Variants in PCDH15 observed in about 807,000 individuals in gnomAD.
The protein encoded by PCDH15 is protocadherin related 15.
In PCDH15, 129 loss-of-function variants were observed where a neutral mutation model predicts 178.5. That is an observed-to-expected ratio of 0.72 (90% confidence interval 0.63 to 0.84). The LOEUF (loss-of-function observed/expected upper bound fraction) is 0.84, where lower values mean the gene tolerates loss of function less well. Ranked by LOEUF, PCDH15 falls within the 40% of genes least tolerant of loss-of-function variation. PCDH15 has a pLI of 0.00. For missense variants in PCDH15, 2,230 were observed against 2,099.9 expected (o/e 1.06, Z -1.21); for synonymous variants, 800 against 732.0 (o/e 1.09, Z -1.50).
chr10:54,607,410 CAT>C (rs534820906), intron 2 of PCDH15, among the ~76,000 whole-genome samples: 142 of 152,054 alleles, frequency 9.3e-4, no homozygotes, highest in Middle Eastern at 3.4e-3. Context: ...TATATGATAA[CAT>C]GTGGCATTAT....
chr10:55,611,453 G>A (rs772777059), intron 2 of PCDH15, among the ~76,000 whole-genome samples: 7 of 151,868 alleles, frequency 4.6e-5, no homozygotes, highest in Admixed American at 6.6e-5. Context: ...ATTAAAATGA[G>A]ATTTCACCTT....
intron 2 of PCDH15, among the ~76,000 whole-genome samples, chr10:54,532,937 G>A (rs1284816039): frequency 3.3e-5 from 5 of 152,168 alleles, no homozygotes; most frequent in African/African-American, 1.2e-4. Context: ...GAGTGTGGGT[G>A]TGTGTGTGAG....
At chr10:55,351,095 TCTC>T (rs1844921394) in intron 2 of PCDH15, among the ~76,000 whole-genome samples, 1 of 139,274 alleles carries the variant, frequency 7.2e-6, no homozygotes, top group East Asian at 2.4e-4. Context: ...TCCTTCTTCT[TCTC>T]CTTCTTCTTC....
intron 2 of PCDH15, among the ~76,000 whole-genome samples, chr10:54,900,099 T>G (rs2131824497): frequency 6.6e-6 from 1 of 152,342 alleles, no homozygotes; most frequent in South Asian, 2.1e-4. Flanking sequence ...ATATTTTACT[T>G]ACTTATTTAA....
At chr10:54,426,097 T>C (rs565182503) in intron 3 of PCDH15, among the ~76,000 whole-genome samples, 1 of 152,314 alleles carries the variant, frequency 6.6e-6, no homozygotes, top group African/African-American at 2.4e-5. Flanking sequence ...CTATTTACTA[T>C]GAGCCCAAGA....
At chr10:54,028,524 T>A (rs1393834478) in intron 18 of PCDH15, among the ~76,000 whole-genome samples, 5 of 151,890 alleles carry the variant, frequency 3.3e-5, no homozygotes, top group South Asian at 2.1e-4. Flanking sequence ...GATAGCAAAG[T>A]CTTGGAACCA....
intron 9 of PCDH15, among the ~76,000 whole-genome samples, chr10:54,224,462 C>T (rs2053212501): frequency 6.6e-6 from 1 of 152,090 alleles, no homozygotes; most frequent in African/African-American, 2.4e-5. Flanking sequence ...CTCTATTTAG[C>T]AAAGCTTAAT....
At chr10:54,017,517 C>A (rs2092779324) in intron 20 of PCDH15, among the ~76,000 whole-genome samples, 1 of 152,110 alleles carries the variant, frequency 6.6e-6, no homozygotes, top group African/African-American at 2.4e-5. Context: ...AGGCCATTAT[C>A]CTAAACAAAT....
chr10:54,664,909 TAAAAA>T (rs759609948), intron 1 of PCDH15, among the ~76,000 whole-genome samples: 1 of 126,336 alleles, frequency 7.9e-6, no homozygotes, highest in Non-Finnish European at 1.7e-5. Flanking sequence ...CCCAGCAAGT[TAAAAA>T]AAAAAAAAAA....
intron 18 of PCDH15, among the ~76,000 whole-genome samples, chr10:54,043,401 C>CT (rs916844585): frequency 2.6e-5 from 4 of 151,480 alleles, no homozygotes; most frequent in Non-Finnish European, 5.9e-5. Flanking sequence ...CTCTTTCTTT[C>CT]TTTTTTTTCG....
At chr10:54,674,130 T>C (rs890535167) in intron 1 of PCDH15, among the ~76,000 whole-genome samples, 10 of 152,184 alleles carry the variant, frequency 6.6e-5, no homozygotes, top group Admixed American at 4.6e-4. Flanking sequence ...TCTATACATA[T>C]AACTTTTTAC....
chr10:54,508,087 G>C (rs1342237188), intron 3 of PCDH15, among the ~76,000 whole-genome samples: 4 of 151,982 alleles, frequency 2.6e-5, no homozygotes, highest in Non-Finnish European at 1.5e-5. Flanking sequence ...TTAAGAATCA[G>C]AGAAATTAAT....
Position 54,647,868 on chromosome 10 carries a change from G to A in PCDH15, c.91+16304C>T, listed in dbSNP as rs183206404. Among the ~76,000 whole-genome samples, 626 of 152,070 alleles carry A rather than the reference G, an allele frequency of 4.1e-3. 4 individuals carry two copies. Among genetic ancestry groups the A allele is most frequent in the Non-Finnish European group, 6.9e-3 (469 of 67,936 alleles). On this transcript the variant is annotated intron_variant, in intron 2 of 37. Coordinates refer to ENST00000644397, the MANE Select transcript of PCDH15 (RefSeq NM_001384140.1). Reference sequence around the variant, plus strand: ...CTTCCACAACTAGGACCTGAGTTGGGATAGGTCCTGTTTCTTACTCCTTCT... The same window carrying A: ...CTTCCACAACTAGGACCTGAGTTGGAATAGGTCCTGTTTCTTACTCCTTCT...
chr10:54,088,594 T>C (rs1253321118), intron 16 of PCDH15, among the ~76,000 whole-genome samples: 1 of 152,168 alleles, frequency 6.6e-6, no homozygotes, highest in Non-Finnish European at 1.5e-5. Context: ...TTGTGCATTT[T>C]GTGTCATATC....
rs114958593 is a variant in PCDH15 at position 55,153,760 on chromosome 10, G to A, written c.-80+12816C>T. On this transcript the variant is annotated intron_variant, in intron 2 of 5. Coordinates refer to the PCDH15 transcript ENST00000458638. ...GAACATGGGTATCACCAGCACTGGT[G>A]CTTGAGGTTCAAGAACATGAATGTC... 5.5e-3 allele frequency among the ~76,000 whole-genome samples: 835 copies of A among 152,280 alleles called. 5 individuals carry two copies. The highest frequency in any genetic ancestry group is 0.019 in the African/African-American group (782 of 41,552).
At chr10:54,992,362 T>C (rs1161022938) in intron 2 of PCDH15, among the ~76,000 whole-genome samples, 4 of 152,178 alleles carry the variant, frequency 2.6e-5, no homozygotes, top group Non-Finnish European at 5.9e-5. Context: ...GATACGAGGA[T>C]GAGCATGCAG....
At chr10:55,334,242 A>ATATATATATATGTG (rs1291195941) in intron 2 of PCDH15, among the ~76,000 whole-genome samples, 11 of 72,144 alleles carry the variant, frequency 1.5e-4, no homozygotes, top group African/African-American at 7.6e-4. Flanking sequence ...ATATATATAT[A>ATATATATATATGTG]TGTGTGTGTG....
intron 2 of PCDH15, among the ~76,000 whole-genome samples, chr10:55,586,015 C>T (rs1842721370): frequency 6.6e-6 from 1 of 151,972 alleles, no homozygotes; most frequent in South Asian, 2.1e-4. Context: ...ATGAATTCAG[C>T]CTAATCTGTT....
intron 21 of PCDH15, among the ~76,000 whole-genome samples, chr10:53,977,870 AG>A (rs1400126945): frequency 6.6e-6 from 1 of 152,298 alleles, no homozygotes; most frequent in East Asian, 1.9e-4. Flanking sequence ...TCTAAAATCC[AG>A]GGGGGAAGTT....
Sources: allele counts gnomAD v4.1 joint callset (sites outside exome capture counted in the v4.1 genomes callset), GRCh38; gene constraint gnomAD v4.1.1; transcripts MANE v1.5; gene names NCBI Gene and HGNC (gene_info 2026-07-23, HGNC 2026-07-21).